The following GPC5 variants were observed in gnomAD, a reference collection of about 807,000 sequenced individuals.
GPC5 encodes glypican 5.
Under a neutral mutation model 53.9 loss-of-function variants are expected in GPC5, and 47 were observed. The observed-to-expected ratio is 0.87, with a 90% confidence interval of 0.69 to 1.11. The LOEUF (loss-of-function observed/expected upper bound fraction) is 1.11. Among genes scored for constraint, GPC5 ranks in the 50% most tolerant of loss-of-function variants. GPC5 has a pLI of 0.00. For synonymous variants in GPC5, 286 were observed against 263.3 expected (o/e 1.09, Z -0.84); for missense variants, 748 against 713.1 (o/e 1.05, Z -0.56).
At chr13:91,422,447 C>A (rs376720381) in intron 1 of GPC5, among the ~76,000 whole-genome samples, 2 of 151,934 alleles carry the variant, frequency 1.3e-5, no homozygotes, top group Non-Finnish European at 2.9e-5. Flanking sequence ...ACTAGCCTGG[C>A]CAACATGGTG....
At chr13:92,479,719 T>A (rs1879279489) in intron 7 of GPC5, among the ~76,000 whole-genome samples, 1 of 152,078 alleles carries the variant, frequency 6.6e-6, no homozygotes, top group Non-Finnish European at 1.5e-5. Flanking sequence ...AATAAATAAA[T>A]CCTCAGATGA....
At chr13:92,407,565 C>T (rs564233254) in intron 7 of GPC5, among the ~76,000 whole-genome samples, 10 of 152,250 alleles carry the variant, frequency 6.6e-5, no homozygotes, top group African/African-American at 2.2e-4. Flanking sequence ...CCTTTTGAGA[C>T]ATGTGTCACA....
intron 7 of GPC5, among the ~76,000 whole-genome samples, chr13:92,491,983 A>T (rs113757963): frequency 0.019 from 2,818 of 152,092 alleles, 46 homozygotes; most frequent in Admixed American, 0.03. Flanking sequence ...AGTTTTTTTT[A>T]TCTTTTCAGT....
intron 7 of GPC5, among the ~76,000 whole-genome samples, chr13:92,854,657 T>A (rs1294588934): frequency 6.6e-6 from 1 of 152,008 alleles, no homozygotes; most frequent in Non-Finnish European, 1.5e-5. Context: ...TACTCCATGA[T>A]AAAGCGCAGG....
chr13:92,412,782 C>T (rs1242179875), intron 7 of GPC5, among the ~76,000 whole-genome samples: 1 of 152,102 alleles, frequency 6.6e-6, no homozygotes, highest in Non-Finnish European at 1.5e-5. Flanking sequence ...TACTTTACCT[C>T]TCTACTGAAA....
At chr13:92,596,962 A>T (rs923233292) in intron 7 of GPC5, among the ~76,000 whole-genome samples, 3 of 152,204 alleles carry the variant, frequency 2.0e-5, no homozygotes, top group Admixed American at 6.5e-5. Flanking sequence ...GGTGACCAGC[A>T]GCTCTGCAGC....
chr13:92,049,318 T>C (rs2138835904), intron 6 of GPC5, among the ~76,000 whole-genome samples: 1 of 152,240 alleles, frequency 6.6e-6, no homozygotes, highest in East Asian at 1.9e-4. Flanking sequence ...TTAGTACATA[T>C]CACTATCTGA....
At chr13:92,189,325 C>G (rs558457834) in intron 7 of GPC5, among the ~76,000 whole-genome samples, 85 of 151,434 alleles carry the variant, frequency 5.6e-4, no homozygotes, top group African/African-American at 2.0e-3. Flanking sequence ...AGGGAAATAC[C>G]CAACTCTAGC....
chr13:91,540,850 T>C (rs1297251526), intron 2 of GPC5, among the ~76,000 whole-genome samples: 1 of 152,018 alleles, frequency 6.6e-6, no homozygotes, highest in Non-Finnish European at 1.5e-5. Context: ...GTACTTACTT[T>C]ACATCCTCCA....
chr13:91,424,813 A>G (rs1247615433), intron 1 of GPC5, among the ~76,000 whole-genome samples: 4 of 152,142 alleles, frequency 2.6e-5, no homozygotes, highest in Non-Finnish European at 5.9e-5. Context: ...AATTGACCCC[A>G]TTGCTGGAAC....
intron 2 of GPC5, among the ~76,000 whole-genome samples, chr13:91,626,924 G>T (rs2034018806): frequency 6.7e-6 from 1 of 149,942 alleles, no homozygotes; most frequent in African/African-American, 2.5e-5. Context: ...GCGGTGTTTG[G>T]TTTTTTGTCC....
At chr13:91,654,486 A>C (rs2034798786) in intron 2 of GPC5, among the ~76,000 whole-genome samples, 1 of 152,170 alleles carries the variant, frequency 6.6e-6, no homozygotes, top group African/African-American at 2.4e-5. Context: ...ATCACTCATG[A>C]AACTCAGTCA....
intron 3 of GPC5, among the ~76,000 whole-genome samples, chr13:91,703,388 A>ATATT (rs1198424340): frequency 6.6e-6 from 1 of 152,194 alleles, no homozygotes. Flanking sequence ...TCATGAAAGA[A>ATATT]TATTGAATTG....
At chr13:91,441,782 A>T (rs571964460) in intron 1 of GPC5, among the ~76,000 whole-genome samples, 1 of 152,320 alleles carries the variant, frequency 6.6e-6, no homozygotes, top group South Asian at 2.1e-4. Flanking sequence ...TATACAAAGA[A>T]GATAGTCTCC....
intron 2 of GPC5, among the ~76,000 whole-genome samples, chr13:91,681,447 C>G (rs2035506877): frequency 6.6e-6 from 1 of 152,150 alleles, no homozygotes; most frequent in Non-Finnish European, 1.5e-5. Flanking sequence ...ATCAACTATT[C>G]CTCTCTGCCT....
chr13:91,480,032 C>A (rs1192683152), intron 2 of GPC5, among the ~76,000 whole-genome samples: 3 of 152,156 alleles, frequency 2.0e-5, no homozygotes, highest in Non-Finnish European at 2.9e-5. Flanking sequence ...TGCACCCCTA[C>A]TACATTATGC....
intron 7 of GPC5, among the ~76,000 whole-genome samples, chr13:92,700,982 T>G (rs921246409): frequency 5.9e-5 from 9 of 152,090 alleles, no homozygotes; most frequent in African/African-American, 2.2e-4. Flanking sequence ...GTGATGAAAT[T>G]CACATGATAG....
intron 7 of GPC5, among the ~76,000 whole-genome samples, chr13:92,667,377 G>C (rs1362702613): frequency 6.6e-6 from 1 of 152,056 alleles, no homozygotes; most frequent in Non-Finnish European, 1.5e-5. Flanking sequence ...GTTTGGACCA[G>C]AAACAATTAT....
At chr13:92,435,246 A>C (rs1203970118) in intron 7 of GPC5, among the ~76,000 whole-genome samples, 1 of 152,222 alleles carries the variant, frequency 6.6e-6, no homozygotes, top group South Asian at 2.1e-4. Context: ...ATTAAATGAC[A>C]TATAGTATCC....
Sources: gnomAD v4.1 joint callset for allele counts (sites outside exome capture counted in the v4.1 genomes callset) on GRCh38, gnomAD v4.1.1 for gene constraint, MANE v1.5 for transcripts, NCBI Gene and HGNC (gene_info 2026-07-23, HGNC 2026-07-21) for gene names.